The following WAPL variants were observed in gnomAD, a reference collection of about 807,000 sequenced individuals.
The protein encoded by WAPL is wings apart-like protein homolog.
In WAPL, 5 loss-of-function variants were observed where a neutral mutation model predicts 121.0. That is an observed-to-expected ratio of 0.04 (90% CI 0.02 to 0.09). The LOEUF is 0.09. Among genes scored for constraint, WAPL ranks in the 10% least tolerant of loss-of-function variants. The pLI is 1.00. For synonymous variants in WAPL, 480 were observed against 481.5 expected (o/e 1.00, Z 0.04); for missense variants, 999 against 1,410.8 (o/e 0.71, Z 4.68).
rs1323989127 is a variant in WAPL, at chr10:86,473,867, A to T, written c.1740+11T>A. ...TAAAAAACACAAAATAAATAAGTAC[A>T]GTTCACTTACTGTGACACTCTGAGG... On this transcript the variant is annotated intron_variant, in intron 5 of 18. Transcript: ENST00000298767. The T allele has an allele frequency of 6.3e-7, 1 of 1,591,358 alleles. No homozygotes were observed. Among genetic ancestry groups the T allele is most frequent in the Non-Finnish European group, 8.6e-7 (1 of 1,159,472 alleles).
chr10:86,468,653 A>G (rs925945354), intron 8 of WAPL, among the ~76,000 whole-genome samples: 1 of 152,196 alleles, frequency 6.6e-6, no homozygotes, highest in Non-Finnish European at 1.5e-5. Flanking sequence ...TGAAATATAC[A>G]TATTTGGATT....
chr10:86,439,580 C>T (rs776183682), intron 17 of WAPL, among the ~76,000 whole-genome samples: 3 of 152,180 alleles, frequency 2.0e-5, no homozygotes, highest in Non-Finnish European at 2.9e-5. Context: ...AAAGAAAAGG[C>T]ATGATACAGC....
intron 4 of WAPL, among the ~76,000 whole-genome samples, chr10:86,496,432 C>A (rs2132217810): frequency 6.6e-6 from 1 of 152,132 alleles, no homozygotes; most frequent in Non-Finnish European, 1.5e-5. Flanking sequence ...GAAATCCACT[C>A]CTAGGTATAT....
At chr10:86,496,674 T>A (rs2132218013) in intron 4 of WAPL, among the ~76,000 whole-genome samples, 1 of 152,292 alleles carries the variant, frequency 6.6e-6, no homozygotes, top group South Asian at 2.1e-4. Context: ...TGGAATTTTA[T>A]TCAGCCATAA....
At position 86,500,261 on chromosome 10, in the gene WAPL, C is replaced by G; in HGVS notation, c.982G>C (p.Glu328Gln). Residue 328 changes from glutamate to glutamine, a missense_variant, in exon 3 of 19, where the codon GAA (glutamate) becomes CAA (glutamine). Around this residue, in one of 7 missense-constraint regions of WAPL, gnomAD observed 531 missense variants for 563.1 expected, o/e 0.94. Transcript: ENST00000298767. ...TGATTCAGGCCATCTTTACTCGATT[C>G]ACTGTTTGCTTTGGCTAAGGCCTGA... is the stretch of plus-strand genomic sequence containing the variant. ...TSQALAKANS[E>Q]SSKDGLNQAK... The G allele has an allele frequency of 6.2e-7, 1 of 1,614,194 alleles. No individual in the cohort carries two copies. Among genetic ancestry groups the G allele is most frequent in the Non-Finnish European group, 8.5e-7 (1 of 1,180,038 alleles).
chr10:86,464,153 T>A (rs1374065188), intron 9 of WAPL, among the ~76,000 whole-genome samples: 1 of 152,246 alleles, frequency 6.6e-6, no homozygotes, highest in Admixed American at 6.5e-5. Context: ...AGGATATTCA[T>A]TGTACAAAAC....
At chr10:86,512,291 A>C (rs994152255) in intron 2 of WAPL, among the ~76,000 whole-genome samples, 9 of 152,262 alleles carry the variant, frequency 5.9e-5, no homozygotes, top group African/African-American at 2.2e-4. Context: ...CAAATTAAAA[A>C]AATTTATTGG....
At chr10:86,513,125 C>T (rs554062883) in intron 2 of WAPL, among the ~76,000 whole-genome samples, 1 of 152,096 alleles carries the variant, frequency 6.6e-6, no homozygotes, top group South Asian at 2.1e-4. Flanking sequence ...CGGCTCACTG[C>T]AACCTCTACC....
At chr10:86,438,697 A>G (rs1849387429) in intron 17 of WAPL, among the ~76,000 whole-genome samples, 1 of 152,254 alleles carries the variant, frequency 6.6e-6, no homozygotes, top group Non-Finnish European at 1.5e-5. Flanking sequence ...GCTGCTCATG[A>G]AATAAAAAGA....
intron 8 of WAPL, among the ~76,000 whole-genome samples, chr10:86,469,304 G>A: frequency 1.4e-3 from 2 of 1,426 alleles, no homozygotes; most frequent in East Asian, 0.17. Flanking sequence ...CCAGGCTGGA[G>A]TACAATGGCA....
intron 17 of WAPL, among the ~76,000 whole-genome samples, chr10:86,439,639 G>A (rs1849412944): frequency 6.6e-6 from 1 of 152,224 alleles, no homozygotes; most frequent in Non-Finnish European, 1.5e-5. Context: ...TTGGAAATTG[G>A]AGAAGCAGTC....
intron 2 of WAPL, among the ~76,000 whole-genome samples, chr10:86,513,806 T>C (rs923947372): frequency 6.6e-6 from 1 of 152,064 alleles, no homozygotes; most frequent in African/African-American, 2.4e-5. Flanking sequence ...AGCAAAAAAA[T>C]AGTATGAACG....
chr10:86,483,789 TTTTTC>T (rs1422918843), intron 4 of WAPL, among the ~76,000 whole-genome samples: 3 of 123,876 alleles, frequency 2.4e-5, no homozygotes, highest in Non-Finnish European at 3.2e-5. Context: ...AAAAAATTTT[TTTTTC>T]TTTTTTTTTT....
intron 4 of WAPL, among the ~76,000 whole-genome samples, chr10:86,496,231 C>A (rs1842146425): frequency 6.6e-6 from 1 of 152,170 alleles, no homozygotes; most frequent in African/African-American, 2.4e-5. Context: ...AAGTGCAAAT[C>A]AAACCACAAT....
At chr10:86,476,182 G>A (rs1308175307) in intron 4 of WAPL, among the ~76,000 whole-genome samples, 2 of 151,390 alleles carry the variant, frequency 1.3e-5, no homozygotes, top group Non-Finnish European at 2.9e-5. Flanking sequence ...TGGTTAACAC[G>A]GTGAAACCCC....
intron 4 of WAPL, among the ~76,000 whole-genome samples, chr10:86,484,130 G>T (rs1841872325): frequency 6.6e-6 from 1 of 152,204 alleles, no homozygotes; most frequent in South Asian, 2.1e-4. Context: ...CAGTGTGTTT[G>T]TTTTAAGCTA....
chr10:86,437,971 A>G lies in WAPL; in HGVS notation c.3456T>C (p.Phe1152=). Residue 1152 remains phenylalanine, a synonymous_variant, in exon 18 of 19, where the codon TTT becomes TTC. Transcript: ENST00000298767. ...TVREYLPEGD[F]SIMTEMLKKF... ...TTTTGAGCATCTCTGTCATTATTGA[A>G]AAGTCTCCTTCTGGCAGATATTCCC... The G allele has an allele frequency of 6.2e-7, 1 of 1,614,030 alleles. No individual in the cohort carries two copies.
At chr10:86,519,388 C>G (rs1247182757) in intron 1 of WAPL, among the ~76,000 whole-genome samples, 2 of 123,766 alleles carry the variant, frequency 1.6e-5, no homozygotes, top group South Asian at 2.7e-4. Context: ...TATATTTGAC[C>G]TATACTTTTG....
chr10:86,451,597 T>C (rs1033338151), intron 15 of WAPL, among the ~76,000 whole-genome samples: 4 of 152,094 alleles, frequency 2.6e-5, no homozygotes, highest in African/African-American at 9.7e-5. Flanking sequence ...TTCACCATAT[T>C]GGTCAGGCTG....
Sources: gnomAD v4.1 joint callset for allele counts (sites outside exome capture counted in the v4.1 genomes callset) on GRCh38, gnomAD v4.1.1 for gene constraint, gnomAD v4.1.1 regional missense constraint, MANE v1.5 for transcripts, NCBI Gene and HGNC (gene_info 2026-07-23, HGNC 2026-07-21) for gene names.